KCNT1: variants seen among roughly 807,000 people sequenced by gnomAD.
KCNT1 encodes the protein potassium channel subfamily T member 1.
Under a neutral mutation model 147.8 loss-of-function variants are expected in KCNT1, and 78 were observed. The ratio of observed to expected loss-of-function variants is 0.53; its 90% CI spans 0.44 to 0.64. The LOEUF (loss-of-function observed/expected upper bound fraction) is 0.64. KCNT1 is among the 30% of genes least tolerant of loss of function. The probability of loss-of-function intolerance (pLI) is 0.00; values close to 1 mark genes in which losing one functional copy is unlikely to be tolerated. For missense variants in KCNT1, 1,419 were observed against 1,750.3 expected (o/e 0.81, Z 3.38); for synonymous variants, 867 against 748.8 (o/e 1.16, Z -2.58).
intron 24 of KCNT1, among the ~76,000 whole-genome samples, chr9:135,783,786 T>G (rs1435009030): frequency 1.3e-5 from 2 of 152,166 alleles, no homozygotes; most frequent in Non-Finnish European, 2.9e-5. Context: ...CCCACATCAC[T>G]CCTCCCGGGC....
chr9:135,742,193 G>A (rs984727263), intron 2 of KCNT1, among the ~76,000 whole-genome samples: 1 of 152,204 alleles, frequency 6.6e-6, no homozygotes, highest in African/African-American at 2.4e-5. Context: ...GGAGCCTTGG[G>A]GCAGGGCTGG....
rs117542423 is a variant in KCNT1, at chr9:135,752,043, T to C, written c.434+1002T>C. 2.9e-3 allele frequency: 614 copies of C among 214,368 alleles called. 11 individuals carry two copies. Among genetic ancestry groups the C allele is most frequent in the East Asian group, 7.9e-3 (59 of 7,506 alleles). 13.3% of individuals were successfully genotyped at this position (214,368 alleles called of 1,614,324 possible). A position where few individuals can be genotyped will look rare whatever the true frequency, so the allele number is the denominator to read the frequency against. On this transcript the variant is annotated intron_variant, in intron 4 of 30. Coordinates refer to ENST00000371757, the MANE Select transcript of KCNT1 (RefSeq NM_020822.3). The surrounding 1 kb of genome is among the most constrained non-coding windows in gnomAD (Gnocchi z 5.1). ...CTCACATTGGGCCCTGACTTTTTCATACCCGTAGATTTCCTCAAATGTCTG... is the reference window on the plus strand; with the variant it reads ...CTCACATTGGGCCCTGACTTTTTCACACCCGTAGATTTCCTCAAATGTCTG...
Position 135,770,879 on chromosome 9 carries a change from C to A in KCNT1, c.1792C>A (p.Leu598Met). The change falls in exon 18 of 31, where the codon CTG becomes ATG. Residue 598 changes from leucine to methionine, a missense_variant. Leu to Met is a conservative substitution (Grantham distance 15). Coordinates refer to ENST00000371757, the MANE Select transcript of KCNT1 (RefSeq NM_020822.3). ...CAGGTATGGCGTGTGCCTCATCGGGCTGAAGCGGGAGGACAACAAGAGCAT... is the reference window on the plus strand; with the variant it reads ...CAGGTATGGCGTGTGCCTCATCGGGATGAAGCGGGAGGACAACAAGAGCAT... ...HKKYGVCLIG[L>M]KREDNKSILL... 1 of 1,583,442 alleles carries A rather than the reference C, an allele frequency of 6.3e-7. No homozygotes were observed. The highest frequency in any genetic ancestry group is 8.6e-7 in the Non-Finnish European group (1 of 1,163,910).
intron 2 of KCNT1, among the ~76,000 whole-genome samples, chr9:135,744,257 G>A (rs1418167178): frequency 6.6e-6 from 1 of 152,256 alleles, no homozygotes; most frequent in Non-Finnish European, 1.5e-5. Context: ...TCAGCAGGGA[G>A]AACTGTTGCC....
Position 135,771,083 on chromosome 9 carries a change from A to G in KCNT1, c.1996A>G (p.Ile666Val). 1.2e-6 allele frequency: 2 copies of G among 1,611,116 alleles called. No homozygotes were observed. Among genetic ancestry groups the G allele is most frequent in the Non-Finnish European group, 1.7e-6 (2 of 1,178,820 alleles). The change falls in exon 18 of 31, where the codon ATC becomes GTC. Residue 666 changes from isoleucine to valine, a missense_variant. Physicochemically the swap from Ile to Val is conservative, Grantham distance 29. Around this residue, in one of 5 missense-constraint regions of KCNT1, gnomAD observed 284 missense variants for 292.8 expected, o/e 0.97. Coordinates refer to ENST00000371757, the MANE Select transcript of KCNT1 (RefSeq NM_020822.3). The stretch of plus-strand genomic sequence containing the variant: ...GGCCCGCCTGCCCGTGCACAGCATC[A>G]TCGCCTCCATGGGTGAGCCGGGACA... ...GPARLPVHSI[I>V]ASMGTVAMDL...
intron 24 of KCNT1, among the ~76,000 whole-genome samples, chr9:135,783,250 G>A (rs1018827856): frequency 8.5e-5 from 13 of 152,364 alleles, no homozygotes; most frequent in African/African-American, 2.4e-4. Flanking sequence ...GCAGGTTCAC[G>A]CCGTCAGGGT....
chr9:135,725,282 A>G (rs1368262912), intron 2 of KCNT1, among the ~76,000 whole-genome samples: 2 of 152,114 alleles, frequency 1.3e-5, no homozygotes, highest in Non-Finnish European at 2.9e-5. Flanking sequence ...TCCTCCCAGA[A>G]CCCCAGAATG....
intron 5 of KCNT1, 96 bp downstream of exon 5, chr9:135,754,089 G>A: frequency 8.8e-7 from 1 of 1,130,792 alleles, no homozygotes; most frequent in East Asian, 2.4e-5. Flanking sequence ...CAATAGCCAG[G>A]CGCTCAGAGG....
intron 10 of KCNT1, among the ~76,000 whole-genome samples, chr9:135,758,855 G>A (rs1158885699): frequency 2.0e-5 from 3 of 152,252 alleles, no homozygotes; most frequent in Admixed American, 2.0e-4. Context: ...TCTGGAGGCA[G>A]CCAGGGTAAA....
chr9:135,787,820 C>T (rs1187551663), intron 29 of KCNT1, among the ~76,000 whole-genome samples: 1 of 152,170 alleles, frequency 6.6e-6, no homozygotes, highest in Non-Finnish European at 1.5e-5. Context: ...AGGGGGGTGC[C>T]CAGCATTCAT....
At chr9:135,737,822 C>T (rs900859922) in intron 2 of KCNT1, among the ~76,000 whole-genome samples, 3 of 152,194 alleles carry the variant, frequency 2.0e-5, no homozygotes, top group African/African-American at 7.2e-5. Context: ...CACAGCAGCC[C>T]TGGGGGGGCA....
At position 135,714,672 on chromosome 9, in the gene KCNT1, G is replaced by A; in HGVS notation, c.206G>A (p.Arg69His). ...SEVLPLPPRYRFRDLLLGDPS... is the reference protein window; with the variant it reads ...SEVLPLPPRYHFRDLLLGDPS... ...GTGCTGCCCTTGCCGCCGCGCTACCGCTTCCGGGACCTGCTGCTGGGCGAC... is the reference window on the plus strand; with the variant it reads ...GTGCTGCCCTTGCCGCCGCGCTACCACTTCCGGGACCTGCTGCTGGGCGAC... Residue 69 changes from arginine (R) to histidine (H), a missense_variant, in exon 2 of 31, where the codon CGC (arginine) becomes CAC (histidine). Arg to His is a conservative substitution (Grantham distance 29). Around this residue, in one of 5 missense-constraint regions of KCNT1, gnomAD observed 181 missense variants for 155.7 expected, o/e 1.16. Coordinates refer to ENST00000371757, the MANE Select transcript of KCNT1 (RefSeq NM_020822.3). This position sits in a 1 kb window ranked among gnomAD's most constrained non-coding sequence, Gnocchi z 6.2. 1.3e-6 allele frequency: 2 copies of A among 1,483,336 alleles called. No homozygotes were observed. Among genetic ancestry groups the A allele is most frequent in the Non-Finnish European group, 1.8e-6 (2 of 1,107,452 alleles). 91.9% of individuals were successfully genotyped at this position (1,483,336 alleles called of 1,614,324 possible). A position where few individuals can be genotyped will look rare whatever the true frequency, so the allele number is the denominator to read the frequency against.
At position 135,772,711 on chromosome 9, in the gene KCNT1, C is replaced by A; in HGVS notation, c.2009-4C>A. ...CTGTGGCCAAGCACAGGGCTCTCTT[C>A]CAGGGACAGTGGCCATGGACCTGCA... On this transcript the variant is annotated splice_region_variant and splice_polypyrimidine_tract_variant and intron_variant, in intron 18 of 30. Coordinates refer to ENST00000371757, the MANE Select transcript of KCNT1 (RefSeq NM_020822.3). The A allele has an allele frequency of 7.2e-7, 1 of 1,389,900 alleles. No homozygotes were observed. Among genetic ancestry groups the A allele is most frequent in the Non-Finnish European group, 9.4e-7 (1 of 1,068,406 alleles). The allele number at this position is 1,389,900 out of a possible 1,614,324, so 86.1% of individuals were successfully genotyped here. A position where few individuals can be genotyped will look rare whatever the true frequency, so the allele number is the denominator to read the frequency against.
At position 135,794,725 on chromosome 9, in the gene KCNT1, A is replaced by C. The variant is rs6537913; in HGVS notation, c.*2564A>C. 0.33 allele frequency: 49,716 copies of C among 151,988 alleles called. 9,566 individuals carry two copies. Among genetic ancestry groups the C allele is most frequent in the African/African-American group, 0.55 (22,676 of 41,422 alleles). The allele number at this position is 151,988 out of a possible 1,614,324, so 9.4% of individuals were successfully genotyped here. A position where few individuals can be genotyped will look rare whatever the true frequency, so the allele number is the denominator to read the frequency against. On this transcript the variant is annotated 3_prime_UTR_variant, in exon 31 of 31. Transcript: ENST00000371757. Reference sequence around the variant, plus strand: ...GAAAAGCTGCCTGCAGCATCTGGAAACTTCTGTGCTCTCCTTGGCCTCTGT... The same window carrying C: ...GAAAAGCTGCCTGCAGCATCTGGAACCTTCTGTGCTCTCCTTGGCCTCTGT...
rs1186423828 is a variant in KCNT1, at chr9:135,792,956, C to T, written c.*795C>T. ...AAAGCCTCATTTTCTAAACCCCTGA[C>T]TTGTGAAGCACAATTCAGCCTCCGG... On this transcript the variant is annotated 3_prime_UTR_variant, in exon 31 of 31. Transcript: ENST00000371757. 2 of 152,198 alleles carry T rather than the reference C, an allele frequency of 1.3e-5. No individual in the cohort carries two copies. Among genetic ancestry groups the T allele is most frequent in the Admixed American group, 1.3e-4 (2 of 15,282 alleles). 9.4% of individuals were successfully genotyped at this position (152,198 alleles called of 1,614,324 possible).
At position 135,755,531 on chromosome 9, in the gene KCNT1, C is replaced by T. The variant is rs971552102; in HGVS notation, c.540+362C>T. On this transcript the variant is annotated intron_variant, in intron 6 of 30. Transcript: ENST00000371757. ...GGCTCAGTGAGCACTGAGTACAGAC[C>T]CAGGCTTAGTAAGTAGGGGACCCAG... Among the ~76,000 whole-genome samples, 4 of 147,416 alleles carry T rather than the reference C, an allele frequency of 2.7e-5. No individual in the cohort carries two copies. In the East Asian group the frequency reaches 6.1e-4, roughly 23 times the overall value.
chr9:135,728,874 G>A (rs948075655), intron 2 of KCNT1, among the ~76,000 whole-genome samples: 3 of 152,144 alleles, frequency 2.0e-5, no homozygotes, highest in African/African-American at 7.2e-5. Flanking sequence ...CCCTACCCCC[G>A]GGATTGTGAA....
intron 2 of KCNT1, among the ~76,000 whole-genome samples, chr9:135,731,971 TATATATATATATATATATATAGAGAG>T (rs1836462557): frequency 4.4e-5 from 1 of 22,960 alleles, no homozygotes; most frequent in African/African-American, 1.6e-4. Flanking sequence ...TATATATATA[TATATATATATATATATATATAGAGAG>T]AGAGAGAGAG....
intron 1 of KCNT1, among the ~76,000 whole-genome samples, chr9:135,711,024 G>A (rs375210594): frequency 1.3e-5 from 2 of 152,260 alleles, no homozygotes; most frequent in Non-Finnish European, 1.5e-5. Flanking sequence ...TGGGTTGGCC[G>A]CCATACTAGG....
Sources: allele counts gnomAD v4.1 joint callset (sites outside exome capture counted in the v4.1 genomes callset), GRCh38; gene constraint gnomAD v4.1.1; regional missense constraint gnomAD v4.1.1; non-coding constraint Gnocchi (gnomAD v3.1); transcripts MANE v1.5; gene names NCBI Gene and HGNC (gene_info 2026-07-23, HGNC 2026-07-21).